GRM7: variants seen among roughly 807,000 people sequenced by gnomAD.
The protein encoded by GRM7 is glutamate metabotropic receptor 7, also known as metabotropic glutamate receptor 7.
In GRM7, 35 loss-of-function variants were observed where a neutral mutation model predicts 84.5. The ratio of observed to expected loss-of-function variants is 0.41; its 90% CI spans 0.32 to 0.55. GRM7 has a LOEUF of 0.55. Ranked by LOEUF, GRM7 falls within the 20% of genes least tolerant of loss-of-function variation. The pLI is 0.19. For missense variants in GRM7, 1,003 were observed against 1,194.6 expected, an observed-to-expected ratio of 0.84 and a Z score of 2.36; for synonymous variants, 487 against 455.1, an observed-to-expected ratio of 1.07 and a Z score of -0.89.
intron 9 of GRM7, chr3:7,694,499 C>A: frequency 3.7e-6 from 1 of 267,828 alleles, no homozygotes; most frequent in Non-Finnish European, 5.7e-6. Context: ...GAACAACCTG[C>A]AGGATTTTAC....
intron 1 of GRM7, among the ~76,000 whole-genome samples, chr3:6,925,357 TCA>T (rs1195534174): frequency 2.0e-5 from 3 of 152,138 alleles, no homozygotes; most frequent in African/African-American, 7.2e-5. Flanking sequence ...CAATTTAACT[TCA>T]AACTCAGCAC....
intron 4 of GRM7, among the ~76,000 whole-genome samples, chr3:7,330,925 C>A (rs1381520663): frequency 6.6e-6 from 1 of 152,054 alleles, no homozygotes; most frequent in African/African-American, 2.4e-5. Context: ...TTCCAATTAC[C>A]TTATCTCACC....
At chr3:6,923,858 C>G (rs1697211955) in intron 1 of GRM7, among the ~76,000 whole-genome samples, 1 of 152,180 alleles carries the variant, frequency 6.6e-6, no homozygotes. Context: ...CATATCATGT[C>G]TTTGAGTGAA....
rs186919088 is a variant in GRM7 at position 7,584,811 on chromosome 3, G to A, written c.2451+5454G>A. Among the ~76,000 whole-genome samples the A allele has an allele frequency of 1.4e-4, 21 of 152,160 alleles. 1 individual carries two copies. Among genetic ancestry groups the A allele is most frequent in the African/African-American group, 2.6e-4 (11 of 41,552 alleles). ...AGCTTTATCTTTTATTTTGTGTTAC[G>A]TTGTTTTGTTATTTCAATAGAAATA... On this transcript the variant is annotated intron_variant, in intron 8 of 9. Coordinates refer to ENST00000357716, the MANE Select transcript of GRM7 (RefSeq NM_000844.4).
chr3:7,139,540 G>A (rs1473020311), intron 1 of GRM7, among the ~76,000 whole-genome samples: 4 of 151,978 alleles, frequency 2.6e-5, no homozygotes, highest in Non-Finnish European at 5.9e-5. Flanking sequence ...TTGCACATAT[G>A]AGAGCGTGAA....
At chr3:7,263,327 G>A (rs540370723) in intron 2 of GRM7, among the ~76,000 whole-genome samples, 1 of 152,158 alleles carries the variant, frequency 6.6e-6, no homozygotes, top group Non-Finnish European at 1.5e-5. Flanking sequence ...CAGGACCACT[G>A]GTCACAACAC....
At chr3:7,161,566 C>T (rs1003933063) in intron 2 of GRM7, among the ~76,000 whole-genome samples, 2 of 152,094 alleles carry the variant, frequency 1.3e-5, no homozygotes, top group African/African-American at 2.4e-5. Context: ...CATGCAAATG[C>T]TCAGCATGGT....
intron 8 of GRM7, chr3:7,607,381 A>G (rs1310117998): frequency 6.6e-6 from 1 of 152,192 alleles, no homozygotes; most frequent in East Asian, 1.9e-4. Flanking sequence ...GTCTTCAATA[A>G]GTTTTCATAG....
At chr3:7,521,620 G>A (rs1281357496) in intron 7 of GRM7, among the ~76,000 whole-genome samples, 1 of 152,178 alleles carries the variant, frequency 6.6e-6, no homozygotes. Flanking sequence ...GGTATTGTGT[G>A]ATGGCAGCTC....
chr3:7,461,846 T>C lies in GRM7; in HGVS notation c.1515+124T>C. On this transcript the variant is annotated intron_variant, in intron 7 of 9. Coordinates refer to ENST00000357716, the MANE Select transcript of GRM7 (RefSeq NM_000844.4). The stretch of plus-strand genomic sequence containing the variant: ...CATATACAAGTGAGCATGCAATTTG[T>C]TGTGGGCATCAGCAGGAACTGATAT... 4.8e-6 allele frequency: 4 copies of C among 830,780 alleles called. No individual in the cohort carries two copies. In the South Asian group the frequency reaches 6.5e-5, roughly 13 times the overall value. 51.5% of individuals were successfully genotyped at this position (830,780 alleles called of 1,614,324 possible).
chr3:7,098,092 C>A (rs1489812920), intron 1 of GRM7, among the ~76,000 whole-genome samples: 1 of 151,946 alleles, frequency 6.6e-6, no homozygotes, highest in East Asian at 1.9e-4. Flanking sequence ...AACTGATTAC[C>A]CAGAATGGTT....
chr3:7,058,182 C>A (rs991816524), intron 1 of GRM7, among the ~76,000 whole-genome samples: 1 of 151,752 alleles, frequency 6.6e-6, no homozygotes, highest in Admixed American at 6.6e-5. Flanking sequence ...TCTAGGCTAC[C>A]TATAGTTCTA....
chr3:7,705,676 G>A (rs771635621), intron 9 of GRM7, among the ~76,000 whole-genome samples: 2 of 152,142 alleles, frequency 1.3e-5, no homozygotes, highest in Non-Finnish European at 1.5e-5. Flanking sequence ...TGGGAGTATG[G>A]TAAATGTAAA....
chr3:7,430,260 C>G (rs1696772995), intron 5 of GRM7, among the ~76,000 whole-genome samples: 1 of 152,176 alleles, frequency 6.6e-6, no homozygotes, highest in Non-Finnish European at 1.5e-5. Flanking sequence ...CTGTGGCCTT[C>G]TGAACTTCTG....
At chr3:7,043,233 CG>C (rs1216395885) in intron 1 of GRM7, among the ~76,000 whole-genome samples, 3 of 152,110 alleles carry the variant, frequency 2.0e-5, no homozygotes, top group African/African-American at 7.2e-5. Flanking sequence ...TATATTGAAG[CG>C]GGGGGAGGGG....
intron 2 of GRM7, among the ~76,000 whole-genome samples, chr3:7,161,213 A>G (rs551722904): frequency 6.6e-6 from 1 of 152,060 alleles, no homozygotes; most frequent in Non-Finnish European, 1.5e-5. Context: ...GGCACCACCA[A>G]GATAGATCCA....
intron 2 of GRM7, among the ~76,000 whole-genome samples, chr3:7,206,514 G>A (rs1378833188): frequency 6.6e-6 from 1 of 152,112 alleles, no homozygotes; most frequent in South Asian, 2.1e-4. Flanking sequence ...AATAAAGAAA[G>A]GTCCATGACC....
chr3:7,502,466 A>G (rs1699912982), intron 7 of GRM7, among the ~76,000 whole-genome samples: 1 of 152,322 alleles, frequency 6.6e-6, no homozygotes. Context: ...TGGGTATCAG[A>G]AACTTTTGAT....
intron 3 of GRM7, among the ~76,000 whole-genome samples, chr3:7,305,867 C>T (rs1389731354): frequency 6.6e-6 from 1 of 152,092 alleles, no homozygotes; most frequent in African/African-American, 2.4e-5. Context: ...AGTTACATCT[C>T]ATCAATCCCC....
Sources: gnomAD v4.1 joint callset for allele counts (sites outside exome capture counted in the v4.1 genomes callset) on GRCh38, gnomAD v4.1.1 for gene constraint, MANE v1.5 for transcripts, NCBI Gene and HGNC (gene_info 2026-07-23, HGNC 2026-07-21) for gene names.